The following KIF21B variants were observed in gnomAD, a reference collection of about 807,000 sequenced individuals.
The protein encoded by KIF21B is kinesin family member 21B, also known as kinesin-like protein KIF21B.
A neutral mutation model predicts 192.9 loss-of-function variants in KIF21B; 85 were observed. That is an observed-to-expected ratio of 0.44 (90% CI 0.37 to 0.53). The LOEUF (loss-of-function observed/expected upper bound fraction) is 0.53. KIF21B is among the 20% of genes least tolerant of loss of function. The pLI is 0.00. For synonymous variants in KIF21B, 832 were observed against 884.6 expected, an observed-to-expected ratio of 0.94 and a Z score of 1.05; for missense variants, 1,716 against 2,194.8, an observed-to-expected ratio of 0.78 and a Z score of 4.36.
In KIF21B at chr1:200,990,793, C is replaced by G; in HGVS notation, c.2688-70G>C. 1 of 1,596,410 alleles carries G rather than the reference C, an allele frequency of 6.3e-7. No individual in the cohort carries two copies. The highest frequency in any genetic ancestry group is 1.3e-5 in the African/African-American group (1 of 74,640). On this transcript the variant is annotated intron_variant, in intron 18 of 34. Transcript: ENST00000461742. The surrounding 1 kb of genome is among the most constrained non-coding windows in gnomAD (Gnocchi z 5.4). ...CTCTGCAGCTCCACTGAGCCCCCATCTGGAGCTGACAGCCACGGGGACCCG... is the reference window on the plus strand; with the variant it reads ...CTCTGCAGCTCCACTGAGCCCCCATGTGGAGCTGACAGCCACGGGGACCCG...
At position 200,980,960 on chromosome 1, in the gene KIF21B, C is replaced by A; in HGVS notation, c.3979G>T (p.Asp1327Tyr). The A allele has an allele frequency of 6.2e-7, 1 of 1,611,780 alleles. No homozygotes were observed. Among genetic ancestry groups the A allele is most frequent in the Non-Finnish European group, 8.5e-7 (1 of 1,179,076 alleles). Residue 1327 changes from aspartate (D) to tyrosine (Y), a missense_variant and splice_region_variant, in exon 29 of 35, where the codon GAC becomes TAC. This residue lies in a region of KIF21B where 580 missense variants were observed against 775.5 expected (regional missense o/e 0.75). Coordinates refer to ENST00000461742, the MANE Select transcript of KIF21B (RefSeq NM_001252102.2). ...TDELLFTGSK[D>Y]RSCKMWNLVT... The stretch of plus-strand genomic sequence containing the variant: ...CCTGGCTAGTTGGCGTTCCACATAC[C>A]TTTGGACCCTGTGAATAGCAACTCA...
intron 28 of KIF21B, among the ~76,000 whole-genome samples, chr1:200,981,561 G>A (rs34816303): frequency 6.6e-6 from 1 of 152,200 alleles, no homozygotes; most frequent in Non-Finnish European, 1.5e-5. Flanking sequence ...CTGAGAGGGA[G>A]GGTTGCTCAG....
intron 24 of KIF21B, 52 bp downstream of exon 24, chr1:200,988,244 G>A: frequency 6.6e-7 from 1 of 1,508,478 alleles, no homozygotes; most frequent in Non-Finnish European, 9.2e-7. Flanking sequence ...TGAACAGGCT[G>A]TGTGGAGGCT....
intron 2 of KIF21B, 71 bp downstream of exon 2, chr1:201,009,195 G>A: frequency 6.3e-6 from 9 of 1,437,370 alleles, no homozygotes; most frequent in Non-Finnish European, 8.6e-6. Flanking sequence ...TCTGAAGGTG[G>A]AGCTTTCTCT....
intron 15 of KIF21B, among the ~76,000 whole-genome samples, chr1:200,993,646 A>G (rs1507145): frequency 0.25 from 38,317 of 151,732 alleles, 5,692 homozygotes; most frequent in African/African-American, 0.41. Flanking sequence ...CCTACTCAGG[A>G]GGCTGAGGTA....
rs1410306695 is a variant in KIF21B at position 200,971,804 on chromosome 1, G to A, written c.*1717C>T. 1 of 152,564 alleles carries A rather than the reference G, an allele frequency of 6.6e-6. No individual in the cohort carries two copies. Among genetic ancestry groups the A allele is most frequent in the African/African-American group, 2.4e-5 (1 of 41,438 alleles). 9.5% of individuals were successfully genotyped at this position (152,564 alleles called of 1,614,324 possible). A position where few individuals can be genotyped will look rare whatever the true frequency, so the allele number is the denominator to read the frequency against. On this transcript the variant is annotated 3_prime_UTR_variant, in exon 35 of 35. Transcript: ENST00000461742. ...TGTGGCAGCTCCGAGGAGGGCACGG[G>A]GAAGGGACCAGGCCTCACTCAGCCT...
chr1:200,976,733 G>T (rs1159089677), intron 32 of KIF21B, 43 bp downstream of exon 32: 1 of 1,274,388 alleles, frequency 7.8e-7, no homozygotes, highest in African/African-American at 1.5e-5. Context: ...AGATTGGGGA[G>T]AGTGGAAGAC....
Position 200,975,011 on chromosome 1 carries a change from T to G in KIF21B, c.4615-98A>C. 1 of 1,238,156 alleles carries G rather than the reference T, an allele frequency of 8.1e-7. No individual in the cohort carries two copies. Among genetic ancestry groups the G allele is most frequent in the Non-Finnish European group, 1.1e-6 (1 of 873,902 alleles). 76.7% of individuals were successfully genotyped at this position (1,238,156 alleles called of 1,614,324 possible). Reference sequence around the variant, plus strand: ...GCTAGTAGTGGAGCTACTTCCAGGCTCCCCTGGCCTCTAGAGCTGCCACAC... The same window carrying G: ...GCTAGTAGTGGAGCTACTTCCAGGCGCCCCTGGCCTCTAGAGCTGCCACAC... On this transcript the variant is annotated intron_variant, in intron 33 of 34. Transcript: ENST00000461742. This position sits in a 1 kb window ranked among gnomAD's most constrained non-coding sequence, Gnocchi z 4.3.
In KIF21B at chr1:200,975,473, C is replaced by A; in HGVS notation, c.4614+26G>T. On this transcript the variant is annotated intron_variant, in intron 33 of 34. Coordinates refer to ENST00000461742, the MANE Select transcript of KIF21B (RefSeq NM_001252102.2). This position sits in a 1 kb window ranked among gnomAD's most constrained non-coding sequence, Gnocchi z 4.3. The stretch of plus-strand genomic sequence containing the variant: ...ATGGAAACCACCCTACCCGAGTCTA[C>A]CCTCTCCCTTTCCTCCTGACCCCAC... 6.3e-7 allele frequency: 1 copy of A among 1,596,542 alleles called. No homozygotes were observed. The highest frequency in any genetic ancestry group is 8.6e-7 in the Non-Finnish European group (1 of 1,167,408).
At chr1:201,019,661 C>T (rs746347735) in intron 1 of KIF21B, among the ~76,000 whole-genome samples, 4 of 152,158 alleles carry the variant, frequency 2.6e-5, no homozygotes, top group African/African-American at 4.8e-5. Flanking sequence ...CTACACTCCA[C>T]TTCCTTATGA....
rs1432120621 is a variant in KIF21B, at chr1:200,982,362, A to G, written c.3842+694T>C. ...CGAGGAGCTGAGACAGCCCACCAGG[A>G]GAGCCGAGGAAGCTCTCAGCCCACG... On this transcript the variant is annotated intron_variant, in intron 28 of 34. Coordinates refer to ENST00000461742, the MANE Select transcript of KIF21B (RefSeq NM_001252102.2). This position sits in a 1 kb window ranked among gnomAD's most constrained non-coding sequence, Gnocchi z 4.7. 6.6e-6 allele frequency among the ~76,000 whole-genome samples: 1 copy of G among 152,204 alleles called. No homozygotes were observed. The highest frequency in any genetic ancestry group is 1.5e-5 in the Non-Finnish European group (1 of 68,030).
intron 17 of KIF21B, among the ~76,000 whole-genome samples, chr1:200,991,416 C>T (rs1656686845): frequency 6.6e-6 from 1 of 152,226 alleles, no homozygotes; most frequent in African/African-American, 2.4e-5. Flanking sequence ...TGAGAAAGGC[C>T]CTTCTAATAG....
At position 200,987,215 on chromosome 1, in the gene KIF21B, A is replaced by G. The variant is rs1174861899; in HGVS notation, c.3409-14T>C. On this transcript the variant is annotated splice_polypyrimidine_tract_variant and intron_variant, in intron 24 of 34. Coordinates refer to ENST00000461742, the MANE Select transcript of KIF21B (RefSeq NM_001252102.2). ...TTTGGGCTCGCTCTGGGAAAAGAAG[A>G]ACAGGGTGGATCAACTTGCCCAAAT... 1.2e-6 allele frequency: 2 copies of G among 1,604,472 alleles called. No individual in the cohort carries two copies. The highest frequency in any genetic ancestry group is 3.4e-5 in the Admixed American group (2 of 58,880).
At chr1:200,988,962 C>T (rs753979290) in intron 21 of KIF21B, 31 bp from the exon 22 acceptor site, 3 of 1,586,612 alleles carry the variant, frequency 1.9e-6, no homozygotes, top group Non-Finnish European at 2.6e-6. Flanking sequence ...CTGGAGTTAC[C>T]CCTCCTGGGG....
intron 4 of KIF21B, 48 bp downstream of exon 4, chr1:201,005,497 C>A: frequency 6.3e-7 from 1 of 1,597,782 alleles, no homozygotes; most frequent in South Asian, 1.1e-5. Context: ...CAGCCCCTGC[C>A]CTTTCAGGAT....
chr1:200,974,667 GGA>G (rs759348913), intron 34 of KIF21B, 45 bp downstream of exon 34: 2 of 130 alleles, frequency 0.015, no homozygotes, highest in Non-Finnish European at 0.028. Context: ...GCCCACACCA[GGA>G]AGGAGATGAG....
Position 201,008,657 on chromosome 1 carries a change from G to A in KIF21B, c.447+112C>T, listed in dbSNP as rs1571962657. On this transcript the variant is annotated intron_variant, in intron 3 of 34. Transcript: ENST00000461742. Reference sequence around the variant, plus strand: ...AATAGCAGGGAACTCATCACCTGGAGATGCCCCCATGGTTCCCAGGACTCA... The same window carrying A: ...AATAGCAGGGAACTCATCACCTGGAAATGCCCCCATGGTTCCCAGGACTCA... The A allele has an allele frequency of 5.0e-6, 5 of 1,005,522 alleles. No homozygotes were observed. The East Asian group carries it at 9.8e-5, about 20-fold the overall frequency. 62.3% of individuals were successfully genotyped at this position (1,005,522 alleles called of 1,614,324 possible). A position where few individuals can be genotyped will look rare whatever the true frequency, so the allele number is the denominator to read the frequency against.
chr1:201,023,656 G>C lies in KIF21B; in HGVS notation c.-273C>G, dbSNP rs1659013085. 2.0e-5 allele frequency: 3 copies of C among 151,026 alleles called. No individual in the cohort carries two copies. Among genetic ancestry groups the C allele is most frequent in the Admixed American group, 6.6e-5 (1 of 15,168 alleles). The allele number at this position is 151,026 out of a possible 1,614,324, so 9.4% of individuals were successfully genotyped here. ...GGCGGCGCGACCCGCCGCTCCCTAC[G>C]GCGCGGCACACGCGCACACACCTCC... On this transcript the variant is annotated 5_prime_UTR_variant, in exon 1 of 35. Coordinates refer to ENST00000461742, the MANE Select transcript of KIF21B (RefSeq NM_001252102.2). The surrounding 1 kb of genome is among the most constrained non-coding windows in gnomAD (Gnocchi z 5.9).
chr1:200,998,752 A>T lies in KIF21B; in HGVS notation c.1886-177T>A, dbSNP rs1418612099. Among the ~76,000 whole-genome samples, 1 of 152,138 alleles carries T rather than the reference A, an allele frequency of 6.6e-6. No individual in the cohort carries two copies. The highest frequency in any genetic ancestry group is 1.5e-5 in the Non-Finnish European group (1 of 68,014). ...GTAGAATGCGGCCAGAAGGAGGAAC[A>T]CATTTAAAGAGCAGTTCCAGAAAGG... is the stretch of plus-strand genomic sequence containing the variant. On this transcript the variant is annotated intron_variant, in intron 13 of 34. Coordinates refer to ENST00000461742, the MANE Select transcript of KIF21B (RefSeq NM_001252102.2). This position sits in a 1 kb window ranked among gnomAD's most constrained non-coding sequence, Gnocchi z 4.3.
Sources: allele counts gnomAD v4.1 joint callset (sites outside exome capture counted in the v4.1 genomes callset), GRCh38; gene constraint gnomAD v4.1.1; regional missense constraint gnomAD v4.1.1; non-coding constraint Gnocchi (gnomAD v3.1); transcripts MANE v1.5; gene names NCBI Gene and HGNC (gene_info 2026-07-23, HGNC 2026-07-21).